The following PSMD13 variants were observed in gnomAD, a reference collection of about 807,000 sequenced individuals.
The protein encoded by PSMD13 is 26S proteasome non-ATPase regulatory subunit 13.
In PSMD13, 8 loss-of-function variants were observed where a neutral mutation model predicts 57.4. The ratio of observed to expected loss-of-function variants is 0.14; its 90% confidence interval spans 0.08 to 0.25. The LOEUF (loss-of-function observed/expected upper bound fraction) is 0.25. Among genes scored for constraint, PSMD13 ranks in the 10% least tolerant of loss-of-function variants. The probability of loss-of-function intolerance (pLI) is 1.00; values close to 1 mark genes in which losing one functional copy is unlikely to be tolerated. For synonymous variants in PSMD13, 193 were observed against 168.2 expected (o/e 1.15, Z -1.14); for missense variants, 400 against 461.5 (o/e 0.87, Z 1.22).
chr11:238,882 G>T, intron 1 of PSMD13, 116 bp from the exon 2 acceptor site: 1 of 998,350 alleles, frequency 1.0e-6, no homozygotes, highest in Non-Finnish European at 1.6e-6. Flanking sequence ...TTGGAGTTTT[G>T]GAGTTTTGGA....
chr11:250,768 T>C (rs1220361268), intron 9 of PSMD13, 35 bp from the exon 10 acceptor site: 2 of 1,594,748 alleles, frequency 1.3e-6, no homozygotes, highest in South Asian at 1.1e-5. Flanking sequence ...AGCACAAACA[T>C]GGAAGACATT....
intron 2 of PSMD13, among the ~76,000 whole-genome samples, chr11:240,101 C>CTTTTTTATTTTTTTTTTT (rs1859482228): frequency 1.9e-5 from 1 of 51,412 alleles, no homozygotes; most frequent in Admixed American, 3.5e-4. Context: ...ATGAGACCTG[C>CTTTTTTATTTTTTTTTTT]TTTTTTTTTT....
Position 237,163 on chromosome 11 carries a change from G to T in PSMD13, c.95+19G>T. The T allele has an allele frequency of 6.3e-7, 1 of 1,597,712 alleles. No homozygotes were observed. The highest frequency in any genetic ancestry group is 8.5e-7 in the Non-Finnish European group (1 of 1,169,856). On this transcript the variant is annotated intron_variant, in intron 1 of 12. Transcript: ENST00000532097. ...CGAAGAAGTGAGCGCCGAGCAGACGGGCCCTGGGCCCCGGCGATAGAGGGA... is the reference window on the plus strand; with the variant it reads ...CGAAGAAGTGAGCGCCGAGCAGACGTGCCCTGGGCCCCGGCGATAGAGGGA...
chr11:238,286 C>T (rs1403180263), intron 1 of PSMD13, among the ~76,000 whole-genome samples: 4 of 152,184 alleles, frequency 2.6e-5, no homozygotes, highest in African/African-American at 9.7e-5. Context: ...CCAAAGTTCT[C>T]GTTTCCAGTG....
chr11:243,228 G>A (rs1260903374), intron 2 of PSMD13: 19 of 553,114 alleles, frequency 3.4e-5, no homozygotes, highest in Non-Finnish European at 5.4e-5. Context: ...CTGACTTAAC[G>A]TGGTGGGAAA....
chr11:249,548 G>T (rs1420607272), intron 9 of PSMD13, among the ~76,000 whole-genome samples: 2 of 124,726 alleles, frequency 1.6e-5, no homozygotes, highest in African/African-American at 3.1e-5. Flanking sequence ...GGTGCAGGGA[G>T]GGGGAGAGCG....
rs1402294978 is a variant in PSMD13 at position 245,681 on chromosome 11, TTTGCATGTGTGTTC to T, written c.396+921_396+934del. Among the ~76,000 whole-genome samples, 782 of 94,176 alleles carry T rather than the reference TTTGCATGTGTGTTC, an allele frequency of 8.3e-3. 14 individuals carry two copies. Among genetic ancestry groups the T allele is most frequent in the African/African-American group, 0.032 (727 of 22,548 alleles). The allele number at this position is 94,176 out of a possible 152,430, so 61.8% of individuals were successfully genotyped here. ...GTGTGTGTGTGTGTGTGTGTGTGTG[TTTGCATGTGTGTTC>T]GTGTGTTTGTGTGTGTTTGTGTGTG... On this transcript the variant is annotated intron_variant, in intron 6 of 12. Transcript: ENST00000532097.
rs768836518 is a variant in PSMD13 at position 251,799 on chromosome 11, C to T, written c.919-21C>T. On this transcript the variant is annotated intron_variant, in intron 11 of 12. Transcript: ENST00000532097. The surrounding 1 kb of genome is among the most constrained non-coding windows in gnomAD (Gnocchi z 4.6). The stretch of plus-strand genomic sequence containing the variant: ...GTGTGTCAGGCTATCTTGTCTTACA[C>T]ACGCCTCCCTCTCTGCACAGGTGGA... 1 of 1,608,776 alleles carries T rather than the reference C, an allele frequency of 6.2e-7. No homozygotes were observed. Among genetic ancestry groups the T allele is most frequent in the East Asian group, 2.2e-5 (1 of 44,846 alleles).
At chr11:244,260 G>A (rs1395460135) in intron 4 of PSMD13, 44 bp downstream of exon 4, 1 of 1,596,124 alleles carries the variant, frequency 6.3e-7, no homozygotes, top group East Asian at 2.2e-5. Flanking sequence ...CCAAATGGTG[G>A]TTAAAATTGA....
Position 247,379 on chromosome 11 carries a change from G to A in PSMD13, c.499G>A (p.Gly167Arg), listed in dbSNP as rs753308611. 4.3e-6 allele frequency: 7 copies of A among 1,611,620 alleles called. No homozygotes were observed. Among genetic ancestry groups the A allele is most frequent in the Admixed American group, 1.7e-5 (1 of 59,914 alleles). ...CTCCAGTAAATACTATCAAACAATC[G>A]GAAACCACGCGTCCTACTACAAAGA... The part of the protein sequence containing the change: ...DLSSKYYQTI[G>R]NHASYYKDAL... Residue 167 changes from glycine to arginine, a missense_variant, in exon 7 of 13, where the codon GGA becomes AGA. Physicochemically the swap from Gly to Arg is moderately radical, Grantham distance 125 (BLOSUM62 -2). Coordinates refer to ENST00000532097, the MANE Select transcript of PSMD13 (RefSeq NM_002817.4).
intron 9 of PSMD13, among the ~76,000 whole-genome samples, chr11:249,823 T>A (rs1164579334): frequency 6.6e-6 from 1 of 152,196 alleles, no homozygotes; most frequent in Non-Finnish European, 1.5e-5. Context: ...GGAATTATGG[T>A]TATTTTTGTA....
intron 5 of PSMD13, 39 bp from the exon 6 acceptor site, chr11:244,636 A>T: frequency 6.3e-7 from 1 of 1,581,702 alleles, no homozygotes; most frequent in South Asian, 1.1e-5. Context: ...TCAACTGCCC[A>T]CATTCTGAGG....
chr11:239,174 TA>T, intron 2 of PSMD13, 98 bp downstream of exon 2: 1 of 1,171,180 alleles, frequency 8.5e-7, no homozygotes, highest in Non-Finnish European at 1.3e-6. Flanking sequence ...TAAGCTCCAA[TA>T]TTCAGCAGTC....
In PSMD13 at chr11:250,637, A is replaced by G; in HGVS notation, c.775-166A>G. On this transcript the variant is annotated intron_variant, in intron 9 of 12. Transcript: ENST00000532097. ...ATTTCCTAAGAAGAATGAAGCTCAG[A>G]TCACTTGTTGTTAATGAGCTTCAGC... 3 of 599,342 alleles carry G rather than the reference A, an allele frequency of 5.0e-6. No homozygotes were observed. The South Asian group carries it at 5.6e-5, about 11-fold the overall frequency. 37.1% of individuals were successfully genotyped at this position (599,342 alleles called of 1,614,324 possible). A position where few individuals can be genotyped will look rare whatever the true frequency, so the allele number is the denominator to read the frequency against.
chr11:242,590 A>G (rs1859539359), intron 2 of PSMD13, among the ~76,000 whole-genome samples: 1 of 152,052 alleles, frequency 6.6e-6, no homozygotes, highest in Admixed American at 6.6e-5. Context: ...TTTATACTCC[A>G]TAAAATTGAG....
At chr11:246,450 G>A (rs150147530) in intron 6 of PSMD13, among the ~76,000 whole-genome samples, 9 of 151,228 alleles carry the variant, frequency 6.0e-5, no homozygotes, top group African/African-American at 9.7e-5. Flanking sequence ...GCAGTGAGCC[G>A]AGATCGCACC....
chr11:252,484 G>T lies in PSMD13; in HGVS notation c.1036-21G>T. On this transcript the variant is annotated intron_variant, in intron 12 of 12. Coordinates refer to ENST00000532097, the MANE Select transcript of PSMD13 (RefSeq NM_002817.4). The surrounding 1 kb of genome is among the most constrained non-coding windows in gnomAD (Gnocchi z 4.1). ...TCTCCTGCGTGTCTTAACGTCCCTT[G>T]TGTCCGGATTTCCATTTCAGATCAA... The T allele has an allele frequency of 6.2e-7, 1 of 1,613,044 alleles. No homozygotes were observed. The highest frequency in any genetic ancestry group is 2.2e-5 in the East Asian group (1 of 44,860).
chr11:252,460 C>T lies in PSMD13; in HGVS notation c.1036-45C>T. On this transcript the variant is annotated intron_variant, in intron 12 of 12. Coordinates refer to ENST00000532097, the MANE Select transcript of PSMD13 (RefSeq NM_002817.4). The surrounding 1 kb of genome is among the most constrained non-coding windows in gnomAD (Gnocchi z 4.1). ...GCTGTGCCGGCCGCTCGGCCTGTGT[C>T]TCCTGCGTGTCTTAACGTCCCTTGT... 6.3e-7 allele frequency: 1 copy of T among 1,592,782 alleles called. No individual in the cohort carries two copies.
Position 237,030 on chromosome 11 carries a change from C to A in PSMD13, c.-20C>A. On this transcript the variant is annotated 5_prime_UTR_variant, in exon 1 of 13. Coordinates refer to ENST00000532097, the MANE Select transcript of PSMD13 (RefSeq NM_002817.4). The stretch of plus-strand genomic sequence containing the variant: ...CTGACATCCCGGTTGTTCTTCTGTG[C>A]CGGGGGTCTTCCTGCTGTCATGAAG... 6.3e-7 allele frequency: 1 copy of A among 1,593,744 alleles called. No individual in the cohort carries two copies. The highest frequency in any genetic ancestry group is 8.6e-7 in the Non-Finnish European group (1 of 1,161,970).
Sources: allele counts gnomAD v4.1 joint callset (sites outside exome capture counted in the v4.1 genomes callset), GRCh38; gene constraint gnomAD v4.1.1; non-coding constraint Gnocchi (gnomAD v3.1); transcripts MANE v1.5; gene names NCBI Gene and HGNC (gene_info 2026-07-23, HGNC 2026-07-21).